Variants in PI4K2A observed in about 807,000 individuals in gnomAD.
PI4K2A encodes phosphatidylinositol 4-kinase type 2 alpha.
PI4K2A carries 20 observed loss-of-function variants against 55.0 expected under a neutral mutation model. The observed-to-expected ratio is 0.36, with a 90% CI of 0.26 to 0.53. PI4K2A has a LOEUF of 0.53. Ranked by LOEUF, PI4K2A falls within the 20% of genes least tolerant of loss-of-function variation. PI4K2A has a pLI of 0.91. For missense variants in PI4K2A, 463 were observed against 637.1 expected, an observed-to-expected ratio of 0.73 and a Z score of 2.94; for synonymous variants, 235 against 258.5, an observed-to-expected ratio of 0.91 and a Z score of 0.87.
At chr10:97,669,936 A>T (rs114116415) in intron 8 of PI4K2A, among the ~76,000 whole-genome samples, 4,963 of 152,218 alleles carry the variant, frequency 0.033, 286 homozygotes, top group African/African-American at 0.11. Flanking sequence ...AGACAGGGTC[A>T]TGCTCTGTCA....
In PI4K2A at chr10:97,666,578, C is replaced by T; in HGVS notation, c.1218+7C>T. ...CCTATATGAACTCTTCAAGGTTAGC[C>T]CTGGGAACCTCAGCCCTATTATCAT... On this transcript the variant is annotated splice_region_variant and intron_variant, in intron 7 of 8. Transcript: ENST00000370631. 2 of 1,604,502 alleles carry T rather than the reference C, an allele frequency of 1.2e-6. No individual in the cohort carries two copies. Among genetic ancestry groups the T allele is most frequent in the Non-Finnish European group, 1.7e-6 (2 of 1,176,654 alleles).
At chr10:97,643,916 A>G (rs1255069685) in intron 1 of PI4K2A, among the ~76,000 whole-genome samples, 4 of 152,218 alleles carry the variant, frequency 2.6e-5, no homozygotes, top group African/African-American at 9.6e-5. Flanking sequence ...CGCAGGTGAC[A>G]ACACAAGCCC....
At chr10:97,642,761 G>T (rs993711503) in intron 1 of PI4K2A, among the ~76,000 whole-genome samples, 1 of 152,028 alleles carries the variant, frequency 6.6e-6, no homozygotes, top group Admixed American at 6.6e-5. Flanking sequence ...AAATGTGAGT[G>T]CCCTGAGGTT....
intron 4 of PI4K2A, among the ~76,000 whole-genome samples, chr10:97,661,138 CCCG>C (rs1179543605): frequency 1.3e-5 from 2 of 151,994 alleles, no homozygotes; most frequent in Non-Finnish European, 2.9e-5. Context: ...ACTACAGGCG[CCCG>C]CCACCACACC....
At chr10:97,668,394 A>G (rs1289125068) in intron 8 of PI4K2A, among the ~76,000 whole-genome samples, 2 of 152,200 alleles carry the variant, frequency 1.3e-5, no homozygotes, top group Non-Finnish European at 2.9e-5. Flanking sequence ...CCTGGGCAAC[A>G]TGGTGAAACC....
chr10:97,643,656 G>A lies in PI4K2A; in HGVS notation c.435+2479G>A, dbSNP rs565045626. Among the ~76,000 whole-genome samples, 18 of 152,208 alleles carry A rather than the reference G, an allele frequency of 1.2e-4. No homozygotes were observed. In the South Asian group the frequency reaches 2.9e-3, roughly 25 times the overall value. ...AGATGCCCTGACAAAACTTTTTGACGTACTCATACTGCTTCCAGTGAAGAA... is the reference window on the plus strand; with the variant it reads ...AGATGCCCTGACAAAACTTTTTGACATACTCATACTGCTTCCAGTGAAGAA... On this transcript the variant is annotated intron_variant, in intron 1 of 8. Transcript: ENST00000370631.
At position 97,656,794 on chromosome 10, in the gene PI4K2A, A is replaced by T; in HGVS notation, c.769-27A>T. On this transcript the variant is annotated intron_variant, in intron 3 of 8. Transcript: ENST00000370631. The surrounding 1 kb of genome is among the most constrained non-coding windows in gnomAD (Gnocchi z 4.5). ...CTTTGGATTTGGGCAGTAGGGAAAA[A>T]CCTTTGTTCCTTCCTCTTGGTTCCA... 1 of 1,612,296 alleles carries T rather than the reference A, an allele frequency of 6.2e-7. No homozygotes were observed. Among genetic ancestry groups the T allele is most frequent in the Non-Finnish European group, 8.5e-7 (1 of 1,178,552 alleles).
At chr10:97,671,059 C>T (rs2041632603) in intron 8 of PI4K2A, among the ~76,000 whole-genome samples, 1 of 152,020 alleles carries the variant, frequency 6.6e-6, no homozygotes, top group Non-Finnish European at 1.5e-5. Flanking sequence ...ATCGCTTGAA[C>T]CCAGGAGGTG....
chr10:97,662,807 G>A, intron 4 of PI4K2A, 100 bp from the exon 5 acceptor site: 1 of 786,306 alleles, frequency 1.3e-6, no homozygotes, highest in Non-Finnish European at 2.3e-6. Context: ...GTCATTCTCA[G>A]TAGAAGCGTT....
chr10:97,653,971 G>A (rs1256353586), intron 2 of PI4K2A, among the ~76,000 whole-genome samples: 2 of 152,152 alleles, frequency 1.3e-5, no homozygotes, highest in African/African-American at 2.4e-5. Context: ...AACTTTGGAA[G>A]CTTAACATAT....
At chr10:97,657,668 C>CAAA (rs35230006) in intron 4 of PI4K2A, among the ~76,000 whole-genome samples, 1 of 122,136 alleles carries the variant, frequency 8.2e-6, no homozygotes, top group Non-Finnish European at 1.8e-5. Context: ...ACTCTGTTTC[C>CAAA]AAAAAAAAAA....
At chr10:97,654,990 G>A (rs891718271) in intron 2 of PI4K2A, among the ~76,000 whole-genome samples, 1 of 152,098 alleles carries the variant, frequency 6.6e-6, no homozygotes, top group East Asian at 1.9e-4. Flanking sequence ...ACAGTGTATA[G>A]CCTATACATA....
exon 9 of PI4K2A, chr10:97,675,153 T>C (rs2041656913): frequency 6.6e-6 from 1 of 152,630 alleles, no homozygotes; most frequent in Non-Finnish European, 1.5e-5. Flanking sequence ...CACCTTGCGA[T>C]TGGTCAGTCA....
At chr10:97,671,522 T>C (rs1332808642) in intron 8 of PI4K2A, among the ~76,000 whole-genome samples, 2 of 152,170 alleles carry the variant, frequency 1.3e-5, no homozygotes, top group Non-Finnish European at 2.9e-5. Context: ...AATCTGCAAC[T>C]TTTCTCTAAA....
chr10:97,654,931 C>T (rs890933464), intron 2 of PI4K2A, among the ~76,000 whole-genome samples: 23 of 152,080 alleles, frequency 1.5e-4, no homozygotes, highest in African/African-American at 5.1e-4. Context: ...CTCCCTGCTA[C>T]CCCTATCTCC....
intron 1 of PI4K2A, among the ~76,000 whole-genome samples, chr10:97,643,027 C>T (rs935970879): frequency 1.3e-5 from 2 of 150,754 alleles, no homozygotes; most frequent in Admixed American, 6.6e-5. Flanking sequence ...CTCACTCTGA[C>T]ACCCAGGCTG....
At chr10:97,672,446 TG>T (rs917896340) in intron 8 of PI4K2A, among the ~76,000 whole-genome samples, 1 of 152,146 alleles carries the variant, frequency 6.6e-6, no homozygotes, top group African/African-American at 2.4e-5. Flanking sequence ...AAAGTAAAAG[TG>T]GGGTCACAAT....
At chr10:97,649,609 A>AT (rs60329004) in intron 1 of PI4K2A, among the ~76,000 whole-genome samples, 10,975 of 70,054 alleles carry the variant, frequency 0.16, 3,610 homozygotes, top group East Asian at 0.22. Flanking sequence ...TCCATAATAG[A>AT]TTTTTTTTTT....
intron 1 of PI4K2A, among the ~76,000 whole-genome samples, chr10:97,644,539 C>T (rs947797602): frequency 5.3e-5 from 8 of 152,144 alleles, no homozygotes; most frequent in Non-Finnish European, 8.8e-5. Context: ...CATGACATTT[C>T]ACTTTATTGG....
Sources: allele counts gnomAD v4.1 joint callset (sites outside exome capture counted in the v4.1 genomes callset), GRCh38; gene constraint gnomAD v4.1.1; non-coding constraint Gnocchi (gnomAD v3.1); transcripts MANE v1.5; gene names NCBI Gene and HGNC (gene_info 2026-07-23, HGNC 2026-07-21).